Variants in CTIF observed in about 807,000 individuals in gnomAD.
CTIF encodes CBP80/20-dependent translation initiation factor.
Under a neutral mutation model 66.0 loss-of-function variants are expected in CTIF, and 21 were observed. The observed-to-expected ratio is 0.32, with a 90% CI of 0.23 to 0.46. The LOEUF (loss-of-function observed/expected upper bound fraction) is 0.46. Ranked by LOEUF, CTIF falls within the 20% of genes least tolerant of loss-of-function variation. The pLI, the probability that CTIF is intolerant of heterozygous loss-of-function variation, is 1.00. For missense variants in CTIF, 739 were observed against 812.7 expected, an observed-to-expected ratio of 0.91 and a Z score of 1.10; for synonymous variants, 345 against 326.4, an observed-to-expected ratio of 1.06 and a Z score of -0.62.
chr18:48,650,179 T>C (rs1473607929), intron 3 of CTIF, among the ~76,000 whole-genome samples: 1 of 152,174 alleles, frequency 6.6e-6, no homozygotes, highest in African/African-American at 2.4e-5. Context: ...AACAAACTTC[T>C]CCTAGCTAAA....
intron 3 of CTIF, among the ~76,000 whole-genome samples, chr18:48,639,538 G>A (rs1306682547): frequency 1.3e-5 from 2 of 152,190 alleles, no homozygotes; most frequent in Non-Finnish European, 2.9e-5. Context: ...GGGTGCTGCA[G>A]GGGGAGGCAG....
intron 9 of CTIF, among the ~76,000 whole-genome samples, chr18:48,775,593 G>A (rs1308586018): frequency 6.6e-6 from 1 of 152,250 alleles, no homozygotes; most frequent in Non-Finnish European, 1.5e-5. Context: ...TCAGTACTGT[G>A]AAACCCCAGT....
intron 3 of CTIF, among the ~76,000 whole-genome samples, chr18:48,650,655 C>A (rs2091138777): frequency 6.6e-6 from 1 of 151,994 alleles, no homozygotes; most frequent in Non-Finnish European, 1.5e-5. Context: ...GAAGAGCAAC[C>A]CTAAGACACA....
At chr18:48,708,141 C>T (rs781188191) in intron 6 of CTIF, among the ~76,000 whole-genome samples, 1 of 152,184 alleles carries the variant, frequency 6.6e-6, no homozygotes, top group Non-Finnish European at 1.5e-5. Flanking sequence ...TAGGTTGTTG[C>T]CATGTTTTGG....
At chr18:48,548,688 C>A (rs1195545214) in intron 1 of CTIF, among the ~76,000 whole-genome samples, 1 of 152,212 alleles carries the variant, frequency 6.6e-6, no homozygotes, top group African/African-American at 2.4e-5. Flanking sequence ...GAGAAAGCAC[C>A]CAGTTTCTCC....
chr18:48,821,899 C>A (rs996038392), intron 10 of CTIF, among the ~76,000 whole-genome samples: 2 of 152,184 alleles, frequency 1.3e-5, no homozygotes, highest in Non-Finnish European at 2.9e-5. Flanking sequence ...AGTATTGTAT[C>A]CATAGCCATA....
At chr18:48,721,553 C>T (rs573277345) in intron 7 of CTIF, among the ~76,000 whole-genome samples, 32 of 152,308 alleles carry the variant, frequency 2.1e-4, no homozygotes, top group Middle Eastern at 3.4e-3. Context: ...AGGCCCAGGG[C>T]GAGGCTCACT....
rs1355815206 is a variant in CTIF at position 48,840,900 on chromosome 18, C to T, written c.1528-16688C>T. On this transcript the variant is annotated intron_variant, in intron 10 of 11. Transcript: ENST00000256413. The stretch of plus-strand genomic sequence containing the variant: ...CCACCCCCACCCCAGAAGATGGGCA[C>T]CTCTGTCTGGAAACCAGGCTACTAC... Among the ~76,000 whole-genome samples, 3 of 141,040 alleles carry T rather than the reference C, an allele frequency of 2.1e-5. No individual in the cohort carries two copies. The South Asian group carries it at 7.5e-4, about 35-fold the overall frequency. 92.5% of individuals were successfully genotyped at this position (141,040 alleles called of 152,430 possible).
At chr18:48,601,161 A>C (rs2090083458) in intron 1 of CTIF, among the ~76,000 whole-genome samples, 1 of 152,164 alleles carries the variant, frequency 6.6e-6, no homozygotes, top group African/African-American at 2.4e-5. Context: ...AGCTATAGGA[A>C]AAGTAAAAAG....
intron 3 of CTIF, among the ~76,000 whole-genome samples, chr18:48,656,231 G>A (rs762407637): frequency 1.3e-5 from 2 of 152,248 alleles, no homozygotes; most frequent in Non-Finnish European, 2.9e-5. Flanking sequence ...AGTGGGTTCA[G>A]TTTACTTGAC....
In CTIF at chr18:48,565,640, C is replaced by T. The variant is rs750578623; in HGVS notation, c.-29+26328C>T. ...TTCCCTGATCTGTAAAATAAGGGAT[C>T]ATAATAGTACCTATTTTGTAGGGTC... On this transcript the variant is annotated intron_variant, in intron 1 of 11. Transcript: ENST00000256413. 9 of 152,172 alleles carry T rather than the reference C, an allele frequency of 5.9e-5. No homozygotes were observed. The East Asian group carries it at 1.5e-3, about 26-fold the overall frequency. The allele number at this position is 152,172 out of a possible 1,614,324, so 9.4% of individuals were successfully genotyped here.
intron 1 of CTIF, among the ~76,000 whole-genome samples, chr18:48,569,461 A>G (rs1300299408): frequency 6.8e-6 from 1 of 147,672 alleles, no homozygotes; most frequent in Non-Finnish European, 1.5e-5. Context: ...TTCATAAATG[A>G]AAAAAAAACA....
intron 7 of CTIF, among the ~76,000 whole-genome samples, chr18:48,736,075 A>G (rs2092500002): frequency 6.6e-6 from 1 of 152,094 alleles, no homozygotes; most frequent in Non-Finnish European, 1.5e-5. Flanking sequence ...AGTGTTATGA[A>G]AACCTGCAAT....
At chr18:48,780,895 A>G (rs1296997673) in intron 9 of CTIF, among the ~76,000 whole-genome samples, 1 of 152,112 alleles carries the variant, frequency 6.6e-6, no homozygotes, top group Non-Finnish European at 1.5e-5. Context: ...CAGGAGGCCC[A>G]TCTGTCCCTC....
intron 1 of CTIF, among the ~76,000 whole-genome samples, chr18:48,560,414 A>G (rs562650924): frequency 6.6e-6 from 1 of 151,786 alleles, no homozygotes; most frequent in Admixed American, 6.6e-5. Flanking sequence ...TTTAGTAGAG[A>G]TGGGGTTTCA....
chr18:48,555,858 T>C (rs1207551472), intron 1 of CTIF, among the ~76,000 whole-genome samples: 1 of 152,038 alleles, frequency 6.6e-6, no homozygotes, highest in African/African-American at 2.4e-5. Flanking sequence ...GCACTGGGCA[T>C]GGGGAATAGG....
At chr18:48,715,617 G>A (rs1184502699) in intron 7 of CTIF, among the ~76,000 whole-genome samples, 1 of 152,134 alleles carries the variant, frequency 6.6e-6, no homozygotes, top group Non-Finnish European at 1.5e-5. Context: ...CCCTGAGTGA[G>A]GTCCCTCACC....
intron 10 of CTIF, among the ~76,000 whole-genome samples, chr18:48,820,592 C>T (rs1285163818): frequency 2.0e-5 from 3 of 152,168 alleles, no homozygotes; most frequent in Non-Finnish European, 4.4e-5. Context: ...GAACTGCACC[C>T]CAAGACCCCC....
At chr18:48,561,838 G>C (rs1336858721) in intron 1 of CTIF, among the ~76,000 whole-genome samples, 1 of 152,096 alleles carries the variant, frequency 6.6e-6, no homozygotes, top group Non-Finnish European at 1.5e-5. Flanking sequence ...TTTTCTCATC[G>C]GTAAAATAGG....
Sources: gnomAD v4.1 joint callset for allele counts (sites outside exome capture counted in the v4.1 genomes callset) on GRCh38, gnomAD v4.1.1 for gene constraint, MANE v1.5 for transcripts, NCBI Gene and HGNC (gene_info 2026-07-23, HGNC 2026-07-21) for gene names.